ENTREP2: variants seen among roughly 807,000 people sequenced by gnomAD.
ENTREP2 encodes the protein endosomal transmembrane epsin interactor 2, also known as protein ENTREP2.
the ENTREP2 span, among the ~76,000 whole-genome samples, chr15:29,642,315 GA>G: frequency 6.6e-6 from 1 of 151,756 alleles, no homozygotes; most frequent in African/African-American, 2.4e-5. Context: ...ATAGAATTAA[GA>G]ATCTAGAAAT....
chr15:29,118,911 G>A, the ENTREP2 span, among the ~76,000 whole-genome samples: 5 of 152,212 alleles, frequency 3.3e-5, no homozygotes, highest in Non-Finnish European at 7.3e-5. Flanking sequence ...GCTGGGTTAG[G>A]CTGTGGGTCT....
chr15:29,140,665 G>C, the ENTREP2 span, among the ~76,000 whole-genome samples: 1 of 152,128 alleles, frequency 6.6e-6, no homozygotes, highest in Non-Finnish European at 1.5e-5. Flanking sequence ...TTCAGGACCA[G>C]CGGAAATGCC....
chr15:29,236,147 A>G, the ENTREP2 span, among the ~76,000 whole-genome samples: 2 of 152,236 alleles, frequency 1.3e-5, no homozygotes, highest in African/African-American at 4.8e-5. Context: ...AATGCTAGAA[A>G]ACAAAAATTA....
chr15:29,150,056 T>C, the ENTREP2 span, among the ~76,000 whole-genome samples: 1 of 152,114 alleles, frequency 6.6e-6, no homozygotes, highest in Non-Finnish European at 1.5e-5. Flanking sequence ...TGCTGCGACG[T>C]CCCAGTGACA....
the ENTREP2 span, among the ~76,000 whole-genome samples, chr15:29,139,492 G>C: frequency 1.3e-5 from 2 of 152,188 alleles, no homozygotes; most frequent in Non-Finnish European, 2.9e-5. Context: ...GTCTCTATCA[G>C]AAATTAGAAA....
At chr15:29,396,065 A>G in the ENTREP2 span, among the ~76,000 whole-genome samples, 1 of 152,358 alleles carries the variant, frequency 6.6e-6, no homozygotes, top group African/African-American at 2.4e-5. Flanking sequence ...TACCACAATC[A>G]AGCTAACCAT....
At chr15:29,310,381 G>A in the ENTREP2 span, among the ~76,000 whole-genome samples, 1 of 152,190 alleles carries the variant, frequency 6.6e-6, no homozygotes, top group Admixed American at 6.5e-5. Context: ...ACTGAGGGAC[G>A]GATGACGCTC....
chr15:29,521,449 T>G, the ENTREP2 span, among the ~76,000 whole-genome samples: 2 of 152,154 alleles, frequency 1.3e-5, no homozygotes, highest in African/African-American at 4.8e-5. Flanking sequence ...GCATATGTGG[T>G]TTTTCTAAAC....
chr15:29,547,836 C>G, the ENTREP2 span, among the ~76,000 whole-genome samples: 1 of 152,104 alleles, frequency 6.6e-6, no homozygotes, highest in Non-Finnish European at 1.5e-5. Context: ...GTGGAAGCAG[C>G]CCAAGTATTC....
chr15:29,381,129 C>T, the ENTREP2 span, among the ~76,000 whole-genome samples: 55 of 270 alleles, frequency 0.2, no homozygotes, highest in Non-Finnish European at 0.3. Context: ...GGATTACAGG[C>T]GTCAGCTGCG....
the ENTREP2 span, among the ~76,000 whole-genome samples, chr15:29,450,758 T>C: frequency 6.6e-6 from 1 of 152,294 alleles, no homozygotes; most frequent in East Asian, 1.9e-4. Context: ...ATGTGGTACA[T>C]ATACATCATG....
the ENTREP2 span, among the ~76,000 whole-genome samples, chr15:29,377,885 G>C: frequency 2.1e-5 from 3 of 143,294 alleles, no homozygotes; most frequent in African/African-American, 7.6e-5. Flanking sequence ...CACAAGGAGA[G>C]AGCTTGTGAA....
chr15:29,352,402 CT>C, the ENTREP2 span, among the ~76,000 whole-genome samples: 1 of 152,176 alleles, frequency 6.6e-6, no homozygotes, highest in Non-Finnish European at 1.5e-5. Context: ...TACACAGAGT[CT>C]TAGTTTTAAC....
chr15:29,539,599 C>G, the ENTREP2 span, among the ~76,000 whole-genome samples: 1 of 152,126 alleles, frequency 6.6e-6, no homozygotes, highest in African/African-American at 2.4e-5. Context: ...TGCCCTGCCC[C>G]TATTTCCTGG....
chr15:29,634,231 G>C, the ENTREP2 span, among the ~76,000 whole-genome samples: 3 of 152,106 alleles, frequency 2.0e-5, no homozygotes, highest in African/African-American at 7.2e-5. Flanking sequence ...TGCCAGACAA[G>C]CTTAGAGCAT....
At chr15:29,266,389 C>G in the ENTREP2 span, 1 of 152,200 alleles carries the variant, frequency 6.6e-6, no homozygotes, top group Non-Finnish European at 1.5e-5. Context: ...AGCTCAAGAG[C>G]AGCTTGGCAA....
the ENTREP2 span, among the ~76,000 whole-genome samples, chr15:29,539,878 C>A: frequency 2.0e-5 from 3 of 152,104 alleles, no homozygotes; most frequent in African/African-American, 4.8e-5. Flanking sequence ...CAAGCCCTGG[C>A]GAGCCCTCAC....
the ENTREP2 span, among the ~76,000 whole-genome samples, chr15:29,672,180 G>GT: frequency 2.0e-5 from 3 of 152,060 alleles, no homozygotes; most frequent in African/African-American, 4.8e-5. Flanking sequence ...TAGAGAGGAG[G>GT]TTTTGCCATG....
the ENTREP2 span, among the ~76,000 whole-genome samples, chr15:29,669,004 C>T: frequency 6.6e-6 from 1 of 152,174 alleles, no homozygotes; most frequent in Non-Finnish European, 1.5e-5. Flanking sequence ...TTCCTCTTCT[C>T]CCGCTCCCAT....
Sources: allele counts gnomAD v4.1 joint callset (sites outside exome capture counted in the v4.1 genomes callset), GRCh38; gene constraint gnomAD v4.1.1; transcripts MANE v1.5; gene names NCBI Gene and HGNC (gene_info 2026-07-23, HGNC 2026-07-21).